Variants in FRMD8 observed in about 807,000 individuals in gnomAD.
FRMD8 encodes FERM domain containing 8.
A neutral mutation model predicts 54.2 loss-of-function variants in FRMD8; 37 were observed. The ratio of observed to expected loss-of-function variants is 0.68; its 90% CI spans 0.53 to 0.90. The LOEUF (loss-of-function observed/expected upper bound fraction) is 0.90. Among genes scored for constraint, FRMD8 ranks in the 40% least tolerant of loss-of-function variants. FRMD8 has a pLI of 0.00. For synonymous variants in FRMD8, 246 were observed against 286.9 expected, an observed-to-expected ratio of 0.86 and a Z score of 1.44; for missense variants, 585 against 653.7, an observed-to-expected ratio of 0.89 and a Z score of 1.15.
At chr11:65,372,407 T>C in the FRMD8 span, among the ~76,000 whole-genome samples, 5 of 151,982 alleles carry the variant, frequency 3.3e-5, no homozygotes, top group Admixed American at 2.6e-4. Context: ...TTGCCATGGA[T>C]TGGTGGAAGG....
chr11:65,394,436 G>C lies in FRMD8; in HGVS notation c.581+11G>C. 1 of 1,562,782 alleles carries C rather than the reference G, an allele frequency of 6.4e-7. No homozygotes were observed. Among genetic ancestry groups the C allele is most frequent in the African/African-American group, 1.3e-5 (1 of 74,114 alleles). On this transcript the variant is annotated intron_variant, in intron 6 of 10. Transcript: ENST00000317568. ...AGCCTGCGACCTGAGGTGAGGGCCT[G>C]TGTGACTTGAGGCGGGGGCGCTGGG...
the FRMD8 span, chr11:65,381,560 CTTTTTTT>C: frequency 1.5e-3 from 125 of 84,656 alleles, no homozygotes; most frequent in African/African-American, 5.8e-3. Context: ...TGCCCTGATT[CTTTTTTT>C]TTTTTTTTTT....
Position 65,404,112 on chromosome 11 carries a change from G to A in FRMD8, c.1072-752G>A, listed in dbSNP as rs1187366754. Among the ~76,000 whole-genome samples the A allele has an allele frequency of 6.6e-6, 1 of 152,164 alleles. No individual in the cohort carries two copies. The highest frequency in any genetic ancestry group is 1.5e-5 in the Non-Finnish European group (1 of 68,014). On this transcript the variant is annotated intron_variant, in intron 9 of 10. Transcript: ENST00000317568. The surrounding 1 kb of genome is among the most constrained non-coding windows in gnomAD (Gnocchi z 4.7). ...TGCCCTGTGGAGAGGCAGGAGCCAG[G>A]CCAGTCTCCGCAGGGCCACTCCAGC...
At chr11:65,372,158 C>T in the FRMD8 span, among the ~76,000 whole-genome samples, 1 of 152,290 alleles carries the variant, frequency 6.6e-6, no homozygotes, top group African/African-American at 2.4e-5. Flanking sequence ...GTGATCTGCC[C>T]ACCTTGGCAT....
intron 2 of FRMD8, among the ~76,000 whole-genome samples, 153 bp from the exon 3 acceptor site, chr11:65,389,208 C>T (rs186201163): frequency 1.1e-4 from 17 of 152,204 alleles, no homozygotes; most frequent in African/African-American, 3.4e-4. Flanking sequence ...CTGCCTCTGG[C>T]GAGGACTCTG....
rs1239359502 is a variant in FRMD8 at position 65,413,079 on chromosome 11, C to T, written c.*1719C>T. The T allele has an allele frequency of 3.9e-5, 6 of 152,246 alleles. No individual in the cohort carries two copies. The highest frequency in any genetic ancestry group is 7.3e-5 in the Non-Finnish European group (5 of 68,078). 9.4% of individuals were successfully genotyped at this position (152,246 alleles called of 1,614,324 possible). On this transcript the variant is annotated 3_prime_UTR_variant, in exon 11 of 11. Transcript: ENST00000317568. ...GTGGCGCATCTCGGCTCACTGCAACCTCTGTCTCAAGCGATTCTCCTGCCT... is the reference window on the plus strand; with the variant it reads ...GTGGCGCATCTCGGCTCACTGCAACTTCTGTCTCAAGCGATTCTCCTGCCT...
the FRMD8 span, among the ~76,000 whole-genome samples, chr11:65,373,232 A>G: frequency 6.6e-6 from 1 of 152,120 alleles, no homozygotes; most frequent in Admixed American, 6.6e-5. Flanking sequence ...GCAACACACC[A>G]TCTCAAAAGA....
At position 65,412,584 on chromosome 11, in the gene FRMD8, C is replaced by T. The variant is rs1207150772; in HGVS notation, c.*1224C>T. Reference sequence around the variant, plus strand: ...GGGCTTTCCCAGCCCTGGGACCCTCCGAGGTGGGTGTGCGGGTCTCACAGG... The same window carrying T: ...GGGCTTTCCCAGCCCTGGGACCCTCTGAGGTGGGTGTGCGGGTCTCACAGG... On this transcript the variant is annotated 3_prime_UTR_variant, in exon 11 of 11. Transcript: ENST00000317568. 1.3e-5 allele frequency: 2 copies of T among 152,208 alleles called. No homozygotes were observed. Among genetic ancestry groups the T allele is most frequent in the East Asian group, 1.9e-4 (1 of 5,196 alleles). 9.4% of individuals were successfully genotyped at this position (152,208 alleles called of 1,614,324 possible).
Position 65,401,953 on chromosome 11 carries a change from C to T in FRMD8, c.1071+1086C>T, listed in dbSNP as rs577117210. 9.2e-5 allele frequency among the ~76,000 whole-genome samples: 14 copies of T among 151,948 alleles called. No individual in the cohort carries two copies. The South Asian group carries it at 2.9e-3, about 32-fold the overall frequency. ...AGAAGTTGTATAAATTTAAGCCTCC[C>T]AGCCATCCCAAAGTCAATATTTTAC... On this transcript the variant is annotated intron_variant, in intron 9 of 10. Coordinates refer to ENST00000317568, the MANE Select transcript of FRMD8 (RefSeq NM_031904.5).
chr11:65,368,474 G>T, the FRMD8 span, among the ~76,000 whole-genome samples: 1 of 152,264 alleles, frequency 6.6e-6, no homozygotes, highest in African/African-American at 2.4e-5. Flanking sequence ...GCCTCCCAAA[G>T]TGCTGGGATC....
upstream of FRMD8, chr11:65,382,348 C>T (rs1855617018): frequency 4.1e-6 from 1 of 243,110 alleles, no homozygotes; most frequent in Non-Finnish European, 8.4e-6. The surrounding 1 kb of genome is among the most constrained non-coding windows in gnomAD (Gnocchi z 4.4). Flanking sequence ...CCATTCATCT[C>T]CACCAAGGGG....
Position 65,386,642 on chromosome 11 carries a change from T to C in FRMD8, c.-120T>C. Reference sequence around the variant, plus strand: ...CCTCCCGCCGTGGCTTCCGCGTCGCTTCCCGGTCAGCTGCGTCCTTAGCGG... The same window carrying C: ...CCTCCCGCCGTGGCTTCCGCGTCGCCTCCCGGTCAGCTGCGTCCTTAGCGG... On this transcript the variant is annotated 5_prime_UTR_variant, in exon 1 of 11. Coordinates refer to ENST00000317568, the MANE Select transcript of FRMD8 (RefSeq NM_031904.5). 1 of 209,234 alleles carries C rather than the reference T, an allele frequency of 4.8e-6. No homozygotes were observed. Among genetic ancestry groups the C allele is most frequent in the Non-Finnish European group, 9.5e-6 (1 of 105,216 alleles). The allele number at this position is 209,234 out of a possible 1,614,324, so 13.0% of individuals were successfully genotyped here.
Position 65,399,809 on chromosome 11 carries a change from T to C in FRMD8, c.877T>C (p.Ser293Pro), listed in dbSNP as rs772438407. 4 of 1,614,042 alleles carry C rather than the reference T, an allele frequency of 2.5e-6. No homozygotes were observed. Among genetic ancestry groups the C allele is most frequent in the Non-Finnish European group, 3.4e-6 (4 of 1,179,970 alleles). ...FLHRGGRKPVSVAISLEGVHV... is the reference protein window; with the variant it reads ...FLHRGGRKPVPVAISLEGVHV... ...GCACCGGGGTGGGCGCAAGCCAGTT[T>C]CTGTGGCCATCAGTCTGGAAGGCGT... is the stretch of plus-strand genomic sequence containing the variant. Residue 293 changes from serine to proline, a missense_variant, in exon 8 of 11, where the codon TCT (serine) becomes CCT (proline). Coordinates refer to ENST00000317568, the MANE Select transcript of FRMD8 (RefSeq NM_031904.5).
In FRMD8 at chr11:65,404,924, G is replaced by A. The variant is rs145995836; in HGVS notation, c.1132G>A (p.Ala378Thr). 105 of 1,613,158 alleles carry A rather than the reference G, an allele frequency of 6.5e-5. No individual in the cohort carries two copies. Among genetic ancestry groups the A allele is most frequent in the South Asian group, 5.9e-4 (54 of 91,086 alleles). The change falls in exon 10 of 11, where the codon GCA becomes ACA. Residue 378 changes from alanine (A) to threonine (T), a missense_variant. Ala to Thr is a moderately conservative substitution (Grantham distance 58). Coordinates refer to ENST00000317568, the MANE Select transcript of FRMD8 (RefSeq NM_031904.5). The surrounding 1 kb of genome is among the most constrained non-coding windows in gnomAD (Gnocchi z 4.7). ...CGAACTGAGCCAGGCGGCGGAGCCC[G>A]CAGGCCCCCAGGACAGTGCGACTGG... Reference protein sequence around the residue: ...CIELSQAAEPAGPQDSATGSP... With the variant: ...CIELSQAAEPTGPQDSATGSP...
chr11:65,397,785 C>T (rs1047388808), intron 7 of FRMD8, among the ~76,000 whole-genome samples: 3 of 152,050 alleles, frequency 2.0e-5, no homozygotes, highest in Non-Finnish European at 2.9e-5. Flanking sequence ...AATCGTGGCT[C>T]ACTGCAGGCT....
In FRMD8 at chr11:65,400,356, C is replaced by T. The variant is rs1416046743; in HGVS notation, c.928-368C>T. Among the ~76,000 whole-genome samples the T allele has an allele frequency of 6.6e-6, 1 of 152,178 alleles. No individual in the cohort carries two copies. Among genetic ancestry groups the T allele is most frequent in the Non-Finnish European group, 1.5e-5 (1 of 68,026 alleles). On this transcript the variant is annotated intron_variant, in intron 8 of 10. Transcript: ENST00000317568. This position sits in a 1 kb window ranked among gnomAD's most constrained non-coding sequence, Gnocchi z 4.3. ...CTTCTGGTTGTCCCGGAAGAAGGAC[C>T]CCAGCCCCTGCTGCCATCTGTGTCC...
At chr11:65,385,201 A>C (rs1206625591), upstream of FRMD8, among the ~76,000 whole-genome samples, 3 of 152,132 alleles carry the variant, frequency 2.0e-5, no homozygotes, top group Non-Finnish European at 4.4e-5. Flanking sequence ...ATGGAGATAC[A>C]GTGTGTCCTG....
the FRMD8 span, chr11:65,377,411 G>A: frequency 5.9e-6 from 7 of 1,178,342 alleles, no homozygotes; most frequent in East Asian, 5.2e-5. Flanking sequence ...CCTAAAGCCG[G>A]CAGTGAGCAT....
At chr11:65,384,668 C>T (rs530802236), upstream of FRMD8, among the ~76,000 whole-genome samples, 1 of 152,340 alleles carries the variant, frequency 6.6e-6, no homozygotes, top group South Asian at 2.1e-4. Flanking sequence ...CTGCCTGTAG[C>T]ATTTCATAGT....
Sources: gnomAD v4.1 joint callset for allele counts (sites outside exome capture counted in the v4.1 genomes callset) on GRCh38, gnomAD v4.1.1 for gene constraint, Gnocchi (gnomAD v3.1) non-coding constraint, MANE v1.5 for transcripts, NCBI Gene and HGNC (gene_info 2026-07-23, HGNC 2026-07-21) for gene names.